The following C12orf42 variants were observed in gnomAD, a reference collection of about 807,000 sequenced individuals.
C12orf42 encodes the protein chromosome 12 open reading frame 42.
Under a neutral mutation model 21.6 loss-of-function variants are expected in C12orf42, and 25 were observed. The observed-to-expected ratio is 1.16, with a 90% CI of 0.84 to 1.62. The LOEUF is 1.62. Ranked by LOEUF, C12orf42 falls within the 40% of genes most tolerant of loss-of-function variation. The pLI, the probability that C12orf42 is intolerant of heterozygous loss-of-function variation, is 0.00. For missense variants in C12orf42, 483 were observed against 459.3 expected (o/e 1.05, Z -0.47); for synonymous variants, 174 against 175.0 (o/e 0.99, Z 0.05).
intron 4 of C12orf42, among the ~76,000 whole-genome samples, chr12:103,281,914 A>AC (rs1566016169): frequency 9.1e-6 from 1 of 110,474 alleles, no homozygotes; most frequent in East Asian, 2.7e-4. Flanking sequence ...AAGAAGAAAG[A>AC]AAAAGAAAGA....
chr12:103,388,581 A>C (rs537309665), intron 3 of C12orf42, among the ~76,000 whole-genome samples: 1 of 152,254 alleles, frequency 6.6e-6, no homozygotes, highest in South Asian at 2.1e-4. Flanking sequence ...CAAGTTTGTT[A>C]TAGTTTTCTC....
chr12:103,399,344 A>G (rs189043854), intron 3 of C12orf42, among the ~76,000 whole-genome samples: 31 of 151,926 alleles, frequency 2.0e-4, no homozygotes, highest in African/African-American at 7.0e-4. Context: ...CTCACTATTA[A>G]GTCTATTTTT....
upstream of C12orf42, among the ~76,000 whole-genome samples, chr12:103,497,847 T>C (rs1345160737): frequency 6.6e-6 from 1 of 151,976 alleles, no homozygotes; most frequent in Non-Finnish European, 1.5e-5. Context: ...CTGGCTAACA[T>C]GGTGAAATCC....
chr12:103,300,030 T>C (rs1190325302), downstream of C12orf42, among the ~76,000 whole-genome samples: 1 of 152,214 alleles, frequency 6.6e-6, no homozygotes, highest in Admixed American at 6.5e-5. Flanking sequence ...GCCCTGATTT[T>C]TACCTCACTA....
chr12:103,203,326 T>C, the C12orf42 span, among the ~76,000 whole-genome samples: 1 of 152,204 alleles, frequency 6.6e-6, no homozygotes, highest in African/African-American at 2.4e-5. Context: ...GTTCCTTTAG[T>C]GTTTTGTTTT....
the C12orf42 span, among the ~76,000 whole-genome samples, chr12:103,091,882 A>G: frequency 1.3e-5 from 2 of 152,190 alleles, no homozygotes; most frequent in Non-Finnish European, 2.9e-5. Flanking sequence ...AGTCTCTTTT[A>G]AACTATTTAA....
At chr12:103,124,105 C>G in the C12orf42 span, among the ~76,000 whole-genome samples, 2 of 134,274 alleles carry the variant, frequency 1.5e-5, no homozygotes, top group African/African-American at 5.6e-5. Context: ...TTCAAAAGCT[C>G]TTTAATTTGT....
chr12:103,449,128 T>TAGATAGATAGATAGAC (rs1555203975), intron 2 of C12orf42, among the ~76,000 whole-genome samples: 9 of 148,612 alleles, frequency 6.1e-5, no homozygotes, highest in East Asian at 4.0e-4. Flanking sequence ...GATAGATAGA[T>TAGATAGATAGATAGAC]AGACAGACAC....
chr12:103,401,833 C>T (rs1301363363), intron 2 of C12orf42, among the ~76,000 whole-genome samples, 158 bp from the exon 3 acceptor site: 1 of 152,200 alleles, frequency 6.6e-6, no homozygotes, highest in Non-Finnish European at 1.5e-5. Context: ...AACACTGTCC[C>T]AGGTGCGTTG....
chr12:103,128,852 T>A, the C12orf42 span, among the ~76,000 whole-genome samples: 5 of 152,212 alleles, frequency 3.3e-5, no homozygotes, highest in African/African-American at 1.2e-4. Context: ...TTTCTACAAA[T>A]GAATTACTAG....
At chr12:103,421,617 A>AT (rs2049916974) in intron 2 of C12orf42, among the ~76,000 whole-genome samples, 1 of 136,930 alleles carries the variant, frequency 7.3e-6, no homozygotes, top group East Asian at 2.1e-4. Flanking sequence ...ATAAATAAAT[A>AT]AATATCAGCA....
chr12:103,214,515 T>C, the C12orf42 span, among the ~76,000 whole-genome samples: 1 of 152,174 alleles, frequency 6.6e-6, no homozygotes, highest in African/African-American at 2.4e-5. Context: ...ATCTGGTTTA[T>C]CCAGCAAGTG....
At chr12:103,310,113 T>C (rs2038820960) in intron 4 of C12orf42, among the ~76,000 whole-genome samples, 1 of 152,218 alleles carries the variant, frequency 6.6e-6, no homozygotes, top group Non-Finnish European at 1.5e-5. Context: ...TGGGCCCTGG[T>C]GGGAGGTGAT....
rs535442103 is a variant in C12orf42 at position 103,239,079 on chromosome 12, A to G, written c.*1367-1177T>C. Reference sequence around the variant, plus strand: ...TCTCAAGGGTATATGAGTAAGAATTAGTGCATATGGGGAGTTTTTGTAAGG... The same window carrying G: ...TCTCAAGGGTATATGAGTAAGAATTGGTGCATATGGGGAGTTTTTGTAAGG... On this transcript the variant is annotated intron_variant and NMD_transcript_variant, in intron 10 of 10. Coordinates refer to the C12orf42 transcript ENST00000547347. 5.3e-5 allele frequency among the ~76,000 whole-genome samples: 8 copies of G among 152,296 alleles called. 1 individual carries two copies. The East Asian group carries it at 1.5e-3, about 29-fold the overall frequency.
At chr12:103,435,102 C>T (rs1337682278) in intron 2 of C12orf42, among the ~76,000 whole-genome samples, 55 of 151,948 alleles carry the variant, frequency 3.6e-4, no homozygotes, top group African/African-American at 1.2e-3. Context: ...CCCTGACCCC[C>T]GAGCAGCCTA....
At chr12:103,249,320 C>T (rs1343066445) in intron 10 of C12orf42, among the ~76,000 whole-genome samples, 1 of 151,908 alleles carries the variant, frequency 6.6e-6, no homozygotes, top group Non-Finnish European at 1.5e-5. Context: ...AAAGGCAGGA[C>T]TTAAAGAGTA....
At chr12:103,232,247 T>A in the C12orf42 span, among the ~76,000 whole-genome samples, 1 of 152,210 alleles carries the variant, frequency 6.6e-6, no homozygotes, top group African/African-American at 2.4e-5. Flanking sequence ...TCTCCCAGTT[T>A]GTGGCTTCTC....
chr12:103,407,885 T>G, intron 2 of C12orf42, among the ~76,000 whole-genome samples: 1 of 152,306 alleles, frequency 6.6e-6, no homozygotes, highest in South Asian at 2.1e-4. Context: ...AGGTTGAGTT[T>G]TGAAAAATAA....
At chr12:103,159,399 C>T in the C12orf42 span, 5 of 152,172 alleles carry the variant, frequency 3.3e-5, no homozygotes, top group Admixed American at 1.3e-4. Context: ...ATATACTAGA[C>T]GTTCTATGTA....
Sources: allele counts gnomAD v4.1 joint callset (sites outside exome capture counted in the v4.1 genomes callset), GRCh38; gene constraint gnomAD v4.1.1; transcripts MANE v1.5; gene names NCBI Gene and HGNC (gene_info 2026-07-23, HGNC 2026-07-21).